The following RPH3AL variants were observed in gnomAD, a reference collection of about 807,000 sequenced individuals.
The protein encoded by RPH3AL is rabphilin 3A like (without C2 domains).
RPH3AL carries 38 observed loss-of-function variants against 43.1 expected under a neutral mutation model. That is an observed-to-expected ratio of 0.88 (90% CI 0.68 to 1.15). The LOEUF (loss-of-function observed/expected upper bound fraction) is 1.15, where lower values mean the gene tolerates loss of function less well. RPH3AL is among the 50% of genes most tolerant of loss of function. The pLI, the probability that RPH3AL is intolerant of heterozygous loss-of-function variation, is 0.00. For synonymous variants in RPH3AL, 189 were observed against 176.3 expected, an observed-to-expected ratio of 1.07 and a Z score of -0.57; for missense variants, 462 against 423.2, an observed-to-expected ratio of 1.09 and a Z score of -0.81.
In RPH3AL at chr17:323,556, G is replaced by C. The variant is rs1045955242; in HGVS notation, c.78-2141C>G. ...CCAGGACACACTTCGTGTGGTTCCC[G>C]GGCCAGGGGAAGGGAGTTGGAAGCC... On this transcript the variant is annotated intron_variant, in intron 3 of 9. Transcript: ENST00000331302. This position sits in a 1 kb window ranked among gnomAD's most constrained non-coding sequence, Gnocchi z 4.4. 4.6e-5 allele frequency among the ~76,000 whole-genome samples: 7 copies of C among 152,180 alleles called. No homozygotes were observed. The highest frequency in any genetic ancestry group is 1.2e-4 in the African/African-American group (5 of 41,428).
At chr17:332,041 G>T (rs1354102106) in intron 2 of RPH3AL, 16 of 412,230 alleles carry the variant, frequency 3.9e-5, no homozygotes, top group Non-Finnish European at 7.1e-5. Context: ...AGCTCTGGGG[G>T]GAGCAGAGGC....
At chr17:302,789 A>T (rs2043361106) in intron 5 of RPH3AL, among the ~76,000 whole-genome samples, 1 of 152,252 alleles carries the variant, frequency 6.6e-6, no homozygotes, top group South Asian at 2.1e-4. Flanking sequence ...TAGTCATGGG[A>T]CGATGTTTTT....
At chr17:340,517 C>G (rs1254854004) in intron 1 of RPH3AL, among the ~76,000 whole-genome samples, 88 of 1,758 alleles carry the variant, frequency 0.05, 39 homozygotes, top group Non-Finnish European at 0.09. Flanking sequence ...CACTGCCCCC[C>G]ACCCAGGCCT....
chr17:248,474 G>T (rs566861978), intron 6 of RPH3AL, among the ~76,000 whole-genome samples: 1 of 152,318 alleles, frequency 6.6e-6, no homozygotes, highest in African/African-American at 2.4e-5. Flanking sequence ...CAGGTGTAAA[G>T]CATCCCTTTA....
At chr17:227,035 C>G (rs1380476887) in intron 7 of RPH3AL, among the ~76,000 whole-genome samples, 2 of 152,208 alleles carry the variant, frequency 1.3e-5, no homozygotes, top group East Asian at 3.9e-4. Context: ...GAAGAAGTAT[C>G]ATGGAGTCAC....
rs975363545 is a variant in RPH3AL, at chr17:348,698, G to C, written c.-213+4014C>G. On this transcript the variant is annotated intron_variant, in intron 1 of 9. Transcript: ENST00000331302. ...GTGTTATACCCTCCCGAATGCTTTT[G>C]TGTGGACTAATCACAGGCGCCCATC... is the stretch of plus-strand genomic sequence containing the variant. Among the ~76,000 whole-genome samples, 9 of 152,218 alleles carry C rather than the reference G, an allele frequency of 5.9e-5. 1 individual carries two copies. Among genetic ancestry groups the C allele is most frequent in the Admixed American group, 5.9e-4 (9 of 15,280 alleles).
At chr17:222,068 A>G (rs1175130134) in intron 7 of RPH3AL, among the ~76,000 whole-genome samples, 1 of 152,190 alleles carries the variant, frequency 6.6e-6, no homozygotes, top group Non-Finnish European at 1.5e-5. Context: ...CAATAGGCCC[A>G]AGAACAACAG....
chr17:297,027 C>G (rs2151631274), intron 5 of RPH3AL, among the ~76,000 whole-genome samples: 1 of 152,296 alleles, frequency 6.6e-6, no homozygotes, highest in African/African-American at 2.4e-5. Flanking sequence ...CAACATGCAT[C>G]CATAGCCACC....
At chr17:339,897 T>C (rs763831733) in intron 1 of RPH3AL, among the ~76,000 whole-genome samples, 2 of 152,118 alleles carry the variant, frequency 1.3e-5, no homozygotes, top group Non-Finnish European at 2.9e-5. Context: ...CTGAAGGGGA[T>C]TGCAGAGGAG....
chr17:321,648 TTGGGATTGCG>T (rs1401395143), intron 3 of RPH3AL: 36 of 458,362 alleles, frequency 7.9e-5, no homozygotes, highest in South Asian at 2.8e-4. Flanking sequence ...TGTGCCGGGG[TTGGGATTGCG>T]GGCAACAGAG....
intron 5 of RPH3AL, among the ~76,000 whole-genome samples, chr17:299,129 G>A (rs1049858670): frequency 2.0e-5 from 3 of 152,172 alleles, no homozygotes; most frequent in Non-Finnish European, 4.4e-5. Context: ...AGTAGAGGAT[G>A]CACTGGAAAG....
At chr17:226,700 T>C (rs1016323360) in intron 7 of RPH3AL, among the ~76,000 whole-genome samples, 8 of 152,214 alleles carry the variant, frequency 5.3e-5, no homozygotes, top group East Asian at 1.9e-4. Context: ...CCTCCCTCCA[T>C]TGAAATGTCA....
chr17:272,654 TA>T (rs1168129767), intron 6 of RPH3AL, among the ~76,000 whole-genome samples: 17 of 147,996 alleles, frequency 1.1e-4, no homozygotes, highest in African/African-American at 2.5e-4. Flanking sequence ...TACCTAATGC[TA>T]AAATGACGAG....
At chr17:332,735 G>C (rs929825309) in intron 2 of RPH3AL, 3 of 281,600 alleles carry the variant, frequency 1.1e-5, no homozygotes, top group Non-Finnish European at 2.2e-5. Flanking sequence ...AGCTCCACCT[G>C]ACGGCTGAGC....
intron 7 of RPH3AL, among the ~76,000 whole-genome samples, chr17:220,510 GGCC>G (rs2151500530): frequency 3.2e-4 from 21 of 66,090 alleles, no homozygotes; most frequent in East Asian, 4.7e-4. Flanking sequence ...TCAGCTCTGA[GGCC>G]TCCACTCACT....
In RPH3AL at chr17:274,772, G is replaced by A. The variant is rs934181348; in HGVS notation, c.438+6996C>T. ...GCGGGGCTTAGGCTGCTGCAGAAGC[G>A]GGGAGGGGAAAACCTCCAAAGTGTT... On this transcript the variant is annotated intron_variant, in intron 6 of 9. Coordinates refer to ENST00000331302, the MANE Select transcript of RPH3AL (RefSeq NM_006987.4). The surrounding 1 kb of genome is among the most constrained non-coding windows in gnomAD (Gnocchi z 4.7). Among the ~76,000 whole-genome samples the A allele has an allele frequency of 1.1e-4, 16 of 152,126 alleles. No individual in the cohort carries two copies. Among genetic ancestry groups the A allele is most frequent in the African/African-American group, 2.2e-4 (9 of 41,426 alleles).
At chr17:327,935 C>G (rs2044656113) in intron 2 of RPH3AL, among the ~76,000 whole-genome samples, 1 of 152,180 alleles carries the variant, frequency 6.6e-6, no homozygotes, top group Non-Finnish European at 1.5e-5. Flanking sequence ...CCTCCCAGTA[C>G]AGCAGGGGCC....
chr17:319,600 A>G (rs566037422), intron 4 of RPH3AL, 51 bp from the exon 5 acceptor site: 1 of 1,599,948 alleles, frequency 6.3e-7, no homozygotes, highest in East Asian at 2.2e-5. Context: ...GCCTGGGCAC[A>G]GTTGCACTGA....
chr17:258,366 C>T (rs537759143), intron 6 of RPH3AL, among the ~76,000 whole-genome samples: 1 of 152,316 alleles, frequency 6.6e-6, no homozygotes, highest in Non-Finnish European at 1.5e-5. Context: ...CGTGTCTCAA[C>T]CTACAGTCTG....
Sources: gnomAD v4.1 joint callset for allele counts (sites outside exome capture counted in the v4.1 genomes callset) on GRCh38, gnomAD v4.1.1 for gene constraint, Gnocchi (gnomAD v3.1) non-coding constraint, MANE v1.5 for transcripts, NCBI Gene and HGNC (gene_info 2026-07-23, HGNC 2026-07-21) for gene names.